The following TAPT1 variants were observed in gnomAD, a reference collection of about 807,000 sequenced individuals.
The protein encoded by TAPT1 is transmembrane anterior posterior transformation 1.
Under a neutral mutation model 65.6 loss-of-function variants are expected in TAPT1, and 28 were observed. The ratio of observed to expected loss-of-function variants is 0.43; its 90% CI spans 0.32 to 0.59. TAPT1 has a LOEUF of 0.59. Among genes scored for constraint, TAPT1 ranks in the 20% least tolerant of loss-of-function variants. TAPT1 has a pLI of 0.09. For missense variants in TAPT1, 563 were observed against 679.9 expected (o/e 0.83, Z 1.91); for synonymous variants, 278 against 245.2 (o/e 1.13, Z -1.25).
chr4:16,202,714 T>C (rs1578462164), intron 2 of TAPT1, 134 bp from the exon 3 acceptor site: 1 of 532,106 alleles, frequency 1.9e-6, no homozygotes, highest in East Asian at 3.4e-5. Flanking sequence ...GAATAACAAA[T>C]TAACAGTTCT....
chr4:16,226,978 G>T (rs1323678339), upstream of TAPT1: 1 of 449,430 alleles, frequency 2.2e-6, no homozygotes, highest in Non-Finnish European at 4.5e-6. Flanking sequence ...CCAGGTCTTG[G>T]CACTGCTGGC....
At chr4:16,223,574 C>T (rs530320936) in intron 1 of TAPT1, among the ~76,000 whole-genome samples, 1 of 152,294 alleles carries the variant, frequency 6.6e-6, no homozygotes, top group East Asian at 1.9e-4. Flanking sequence ...TAAGTACTCG[C>T]ATCTGAGACA....
Position 16,202,600 on chromosome 4 carries a change from G to GAAC in TAPT1, c.331-21_331-20insGTT. ...CATCAGCTGAATTTTAACAAGGAGA[G>GAAC]AAGAAAAAAAAAAAGTATTTTAAAA... On this transcript the variant is annotated intron_variant, in intron 2 of 13. Coordinates refer to ENST00000405303, the MANE Select transcript of TAPT1 (RefSeq NM_153365.3). 8.5e-7 allele frequency: 1 copy of GAAC among 1,180,452 alleles called. No homozygotes were observed. 73.1% of individuals were successfully genotyped at this position (1,180,452 alleles called of 1,614,324 possible). A position where few individuals can be genotyped will look rare whatever the true frequency, so the allele number is the denominator to read the frequency against.
chr4:16,215,162 G>T (rs1750864673), intron 1 of TAPT1, among the ~76,000 whole-genome samples: 1 of 151,766 alleles, frequency 6.6e-6, no homozygotes. Flanking sequence ...GTGCCGGTGG[G>T]CGCCTGTAGT....
chr4:16,222,407 TC>T (rs1751303348), intron 1 of TAPT1, among the ~76,000 whole-genome samples: 1 of 152,236 alleles, frequency 6.6e-6, no homozygotes, highest in Non-Finnish European at 1.5e-5. Context: ...TTGTGGTTAC[TC>T]CAAGTAATTT....
chr4:16,224,778 A>T (rs555470911), intron 1 of TAPT1, among the ~76,000 whole-genome samples: 13 of 152,326 alleles, frequency 8.5e-5, no homozygotes, highest in Non-Finnish European at 4.4e-5. Flanking sequence ...CAGTCCCAGA[A>T]AAAGCCAGGG....
intron 7 of TAPT1, among the ~76,000 whole-genome samples, chr4:16,180,225 A>T (rs1257752648): frequency 6.6e-6 from 1 of 152,208 alleles, no homozygotes; most frequent in East Asian, 1.9e-4. Context: ...TATTTACCAT[A>T]AACTAATAAC....
intron 3 of TAPT1, among the ~76,000 whole-genome samples, chr4:16,198,478 C>G (rs888222015): frequency 6.6e-6 from 1 of 151,996 alleles, no homozygotes; most frequent in Non-Finnish European, 1.5e-5. Flanking sequence ...TGTTTCCTCC[C>G]TTTTGTGAAA....
chr4:16,226,443 G>C lies in TAPT1; in HGVS notation c.15C>G (p.Gly5=), dbSNP rs1020341683. The C allele has an allele frequency of 5.1e-4, 540 of 1,068,214 alleles. 1 individual carries two copies. Among genetic ancestry groups the C allele is most frequent in the Non-Finnish European group, 6.0e-4 (532 of 885,510 alleles). The allele number at this position is 1,068,214 out of a possible 1,614,324, so 66.2% of individuals were successfully genotyped here. Residue 5 remains glycine (G), a synonymous_variant, in exon 1 of 14, where the codon GGC becomes GGG. Transcript: ENST00000405303. MAGV[G]DAAAPGEGGG... ...CGCCTTCTCCCGGAGCGGCCGCGTC[G>C]CCGACGCCCGCCATGTTCCGAGCAC...
chr4:16,202,610 A>T, intron 2 of TAPT1, 30 bp from the exon 3 acceptor site: 2 of 1,204,132 alleles, frequency 1.7e-6, no homozygotes, highest in South Asian at 2.9e-5. Flanking sequence ...GAAGAAAAAA[A>T]AAAAGTATTT....
intron 2 of TAPT1, among the ~76,000 whole-genome samples, chr4:16,209,690 A>C (rs535817758): frequency 6.6e-6 from 1 of 152,304 alleles, no homozygotes; most frequent in South Asian, 2.1e-4. Context: ...GGAAGGAGAG[A>C]TCTGTCTGGA....
At chr4:16,187,773 A>G (rs566804993) in intron 5 of TAPT1, among the ~76,000 whole-genome samples, 5 of 152,318 alleles carry the variant, frequency 3.3e-5, no homozygotes, top group South Asian at 4.1e-4. Context: ...GAATACACAA[A>G]CACATAAAAC....
At chr4:16,186,973 T>G (rs1326892238) in intron 5 of TAPT1, 95 bp from the exon 6 acceptor site, 1 of 684,750 alleles carries the variant, frequency 1.5e-6, no homozygotes, top group Non-Finnish European at 2.5e-6. Context: ...GATGACTTTC[T>G]TTTCTAAATT....
chr4:16,174,891 A>G (rs1319784607), intron 9 of TAPT1, 162 bp from the exon 10 acceptor site: 1 of 531,822 alleles, frequency 1.9e-6, no homozygotes, highest in Admixed American at 3.7e-5. Context: ...TCCTACAGTA[A>G]AGGTAAAATG....
rs533220417 is a variant in TAPT1 at position 16,186,714 on chromosome 4, C to T, written c.846+67G>A. On this transcript the variant is annotated intron_variant, in intron 6 of 13. Transcript: ENST00000405303. ...AACATATAGAACAAAGAATTTTATC[C>T]CACCCAGAGTATTGCAGCTGAAATG... 2.9e-6 allele frequency: 4 copies of T among 1,403,324 alleles called. No homozygotes were observed. The East Asian group carries it at 6.9e-5, about 24-fold the overall frequency. The allele number at this position is 1,403,324 out of a possible 1,614,324, so 86.9% of individuals were successfully genotyped here. A position where few individuals can be genotyped will look rare whatever the true frequency, so the allele number is the denominator to read the frequency against.
chr4:16,207,528 C>T (rs1053181608), intron 2 of TAPT1, among the ~76,000 whole-genome samples: 4 of 152,160 alleles, frequency 2.6e-5, no homozygotes, highest in African/African-American at 9.7e-5. Context: ...CACCATTCCT[C>T]ACAGGCAAAC....
intron 1 of TAPT1, among the ~76,000 whole-genome samples, chr4:16,217,406 A>G (rs1008440960): frequency 2.6e-5 from 4 of 152,232 alleles, no homozygotes; most frequent in Non-Finnish European, 4.4e-5. Flanking sequence ...AGTGACTAAG[A>G]AAAGAAAGAA....
Position 16,188,345 on chromosome 4 carries a change from C to T in TAPT1, c.623G>A (p.Arg208His). ...IIYNMLEVAD[R>H]LFSSFGQDIL... ...GTCTTGTCCAAAAGATGAAAACAGA[C>T]GATCAGCTACCTAAAAAAAAAAATT... The change falls in exon 5 of 14, where the codon CGT becomes CAT. Residue 208 changes from arginine (R) to histidine (H), a missense_variant. This residue lies in a region of TAPT1 where 217 missense variants were observed against 317.5 expected (regional missense o/e 0.68). Coordinates refer to ENST00000405303, the MANE Select transcript of TAPT1 (RefSeq NM_153365.3). 3 of 1,575,316 alleles carry T rather than the reference C, an allele frequency of 1.9e-6. No individual in the cohort carries two copies. Among genetic ancestry groups the T allele is most frequent in the Admixed American group, 2.0e-5 (1 of 50,654 alleles).
chr4:16,176,354 C>G (rs1223179627), intron 8 of TAPT1, 126 bp from the exon 9 acceptor site: 2 of 569,618 alleles, frequency 3.5e-6, no homozygotes, highest in Admixed American at 7.0e-5. Context: ...GATGAACTAG[C>G]ATTCAATTAT....
Sources: allele counts gnomAD v4.1 joint callset (sites outside exome capture counted in the v4.1 genomes callset), GRCh38; gene constraint gnomAD v4.1.1; regional missense constraint gnomAD v4.1.1; transcripts MANE v1.5; gene names NCBI Gene and HGNC (gene_info 2026-07-23, HGNC 2026-07-21).